Variants in ACER2 observed in about 807,000 individuals in gnomAD.
The protein encoded by ACER2 is alkCDase 2.
In ACER2, 26 loss-of-function variants were observed where a neutral mutation model predicts 34.7. The ratio of observed to expected loss-of-function variants is 0.75; its 90% CI spans 0.55 to 1.04. ACER2 has a LOEUF of 1.04. Among genes scored for constraint, ACER2 ranks in the 50% least tolerant of loss-of-function variants. The pLI is 0.00. For missense variants in ACER2, 352 were observed against 340.8 expected, an observed-to-expected ratio of 1.03 and a Z score of -0.26; for synonymous variants, 138 against 132.1, an observed-to-expected ratio of 1.04 and a Z score of -0.31.
At position 19,435,080 on chromosome 9, in the gene ACER2, A is replaced by C. The variant is rs1481785217; in HGVS notation, c.499A>C (p.Lys167Gln). 1 of 1,614,062 alleles carries C rather than the reference A, an allele frequency of 6.2e-7. No homozygotes were observed. ...CACTGCACTGCTCATCGCAGAGCTA[A>C]AGAGGTAGGTGCCATCATTCCTGCC... ...PCTALLIAEL[K>Q]RCDNMRVFKL... is the part of the protein sequence containing the mutation. The change falls in exon 4 of 6, where the codon AAG becomes CAG. Residue 167 changes from lysine to glutamine, a missense_variant. By Grantham distance (53) the Lys-to-Gln change is moderately conservative (BLOSUM62 1). Coordinates refer to ENST00000340967, the MANE Select transcript of ACER2 (RefSeq NM_001010887.3).
At chr9:19,421,277 T>C (rs1830398155) in intron 1 of ACER2, among the ~76,000 whole-genome samples, 1 of 152,234 alleles carries the variant, frequency 6.6e-6, no homozygotes, top group Admixed American at 6.5e-5. Flanking sequence ...ATCACATTGA[T>C]GATTAAGTTT....
intron 5 of ACER2, among the ~76,000 whole-genome samples, chr9:19,448,004 CTTT>C (rs557934540): frequency 9.1e-6 from 1 of 109,912 alleles, no homozygotes; most frequent in East Asian, 2.3e-4. Flanking sequence ...ACGATGCAAA[CTTT>C]TTTTTTTTTT....
intron 4 of ACER2, among the ~76,000 whole-genome samples, chr9:19,443,578 G>C (rs1470041266): frequency 6.6e-6 from 1 of 152,236 alleles, no homozygotes; most frequent in South Asian, 2.1e-4. Context: ...AACAGTGCCT[G>C]GCACAGTTGC....
At chr9:19,434,571 G>T (rs1200543053) in intron 3 of ACER2, among the ~76,000 whole-genome samples, 1 of 152,248 alleles carries the variant, frequency 6.6e-6, no homozygotes, top group African/African-American at 2.4e-5. Context: ...AGGAGCTGGA[G>T]ACCAGCCTGG....
intron 1 of ACER2, among the ~76,000 whole-genome samples, chr9:19,423,295 A>G (rs1245134636): frequency 6.6e-6 from 1 of 152,252 alleles, no homozygotes; most frequent in Non-Finnish European, 1.5e-5. Context: ...GGCAGCATCC[A>G]TAGACTGCAG....
intron 4 of ACER2, among the ~76,000 whole-genome samples, chr9:19,437,782 C>T (rs1354856544): frequency 6.6e-6 from 1 of 152,190 alleles, no homozygotes; most frequent in Non-Finnish European, 1.5e-5. Flanking sequence ...GACACCTGCT[C>T]CTTCACGAGG....
intron 1 of ACER2, among the ~76,000 whole-genome samples, chr9:19,413,200 C>A (rs1830139591): frequency 6.6e-6 from 1 of 152,226 alleles, no homozygotes; most frequent in African/African-American, 2.4e-5. Flanking sequence ...ATATCTCTTC[C>A]ATGAACATGT....
chr9:19,417,843 C>G (rs183694440), intron 1 of ACER2, among the ~76,000 whole-genome samples: 1 of 152,178 alleles, frequency 6.6e-6, no homozygotes, highest in East Asian at 1.9e-4. Flanking sequence ...GGAACAAAAG[C>G]CAAAATTGAC....
chr9:19,411,001 G>T (rs1213843571), intron 1 of ACER2, among the ~76,000 whole-genome samples: 1 of 152,156 alleles, frequency 6.6e-6, no homozygotes, highest in Non-Finnish European at 1.5e-5. Context: ...TGCAGCCTGG[G>T]GTCTACAGAG....
chr9:19,416,824 G>A (rs999953051), intron 1 of ACER2, among the ~76,000 whole-genome samples: 4 of 151,998 alleles, frequency 2.6e-5, no homozygotes, highest in East Asian at 1.9e-4. Context: ...TGAGCCACCC[G>A]TGCCCCGCCT....
At chr9:19,431,883 C>T (rs1388720143) in intron 3 of ACER2, among the ~76,000 whole-genome samples, 1 of 152,180 alleles carries the variant, frequency 6.6e-6, no homozygotes, top group Non-Finnish European at 1.5e-5. Flanking sequence ...AATGGAATTT[C>T]ATTCAAATTG....
Position 19,418,186 on chromosome 9 carries a change from G to C in ACER2, c.109-5676G>C, listed in dbSNP as rs1157600425. On this transcript the variant is annotated intron_variant, in intron 1 of 5. Coordinates refer to ENST00000340967, the MANE Select transcript of ACER2 (RefSeq NM_001010887.3). The stretch of plus-strand genomic sequence containing the variant: ...CAGTTAGAATGGCGATCATTAAAAA[G>C]TCAGGAAACAACAGATGCTAGAGAG... 4.6e-5 allele frequency among the ~76,000 whole-genome samples: 7 copies of C among 152,278 alleles called. No individual in the cohort carries two copies. In the East Asian group the frequency reaches 1.2e-3, roughly 25 times the overall value.
chr9:19,440,747 A>G (rs1410449601), intron 4 of ACER2, among the ~76,000 whole-genome samples: 3 of 152,156 alleles, frequency 2.0e-5, no homozygotes, highest in East Asian at 3.8e-4. Context: ...TGTGGCTTTA[A>G]TTCCTCTACA....
chr9:19,447,704 A>C (rs1270156851), intron 5 of ACER2, among the ~76,000 whole-genome samples: 1 of 152,196 alleles, frequency 6.6e-6, no homozygotes, highest in Non-Finnish European at 1.5e-5. Flanking sequence ...CAAATTCGAA[A>C]TTTAAACTAT....
At chr9:19,444,458 G>A (rs1442295942) in intron 4 of ACER2, among the ~76,000 whole-genome samples, 5 of 151,900 alleles carry the variant, frequency 3.3e-5, no homozygotes, top group Non-Finnish European at 7.4e-5. Context: ...TGGTCCGCCC[G>A]CCTCGGCCTC....
intron 5 of ACER2, chr9:19,446,622 G>A (rs972884946): frequency 6.3e-5 from 62 of 985,274 alleles, no homozygotes; most frequent in East Asian, 2.3e-4. Context: ...AGGCTTAGCC[G>A]GAACGAAAGG....
At chr9:19,422,087 C>T (rs1477763863) in intron 1 of ACER2, among the ~76,000 whole-genome samples, 1 of 149,676 alleles carries the variant, frequency 6.7e-6, no homozygotes, top group Non-Finnish European at 1.5e-5. Context: ...AGTGTGAGAT[C>T]AGCCTGGGCA....
At position 19,409,112 on chromosome 9, in the gene ACER2, C is replaced by G; in HGVS notation, c.28C>G (p.Leu10Val). 6.2e-7 allele frequency: 1 copy of G among 1,603,130 alleles called. No individual in the cohort carries two copies. The highest frequency in any genetic ancestry group is 8.5e-7 in the Non-Finnish European group (1 of 1,175,528). Residue 10 changes from leucine to valine, a missense_variant, in exon 1 of 6, where the codon CTG (leucine) becomes GTG (valine). Leu to Val is a conservative substitution (Grantham distance 32, BLOSUM62 1). Coordinates refer to ENST00000340967, the MANE Select transcript of ACER2 (RefSeq NM_001010887.3). MGAPHWWDQ[L>V]QAGSSEVDWC... Reference sequence around the variant, plus strand: ...GGGCGCCCCGCACTGGTGGGACCAGCTGCAGGCTGGTAGCTCGGAGGTGGA... The same window carrying G: ...GGGCGCCCCGCACTGGTGGGACCAGGTGCAGGCTGGTAGCTCGGAGGTGGA...
chr9:19,433,173 T>TA lies in ACER2; in HGVS notation c.366-1773dup, dbSNP rs1491211111. Among the ~76,000 whole-genome samples, 210 of 81,844 alleles carry TA rather than the reference T, an allele frequency of 2.6e-3. 5 individuals are homozygous for TA. Among genetic ancestry groups the TA allele is most frequent in the Middle Eastern group, 8.1e-3 (1 of 124 alleles). 53.7% of individuals were successfully genotyped at this position (81,844 alleles called of 152,430 possible). On this transcript the variant is annotated intron_variant, in intron 3 of 5. Transcript: ENST00000340967. ...GCTTTTTTTTTTTTTTTTTTTTTTT[T>TA]ATTGATCATTCTTGGGTGTTTCTCA...
Sources: allele counts gnomAD v4.1 joint callset (sites outside exome capture counted in the v4.1 genomes callset), GRCh38; gene constraint gnomAD v4.1.1; transcripts MANE v1.5; gene names NCBI Gene and HGNC (gene_info 2026-07-23, HGNC 2026-07-21).